Variants in KLF7 observed in about 807,000 individuals in gnomAD.
KLF7 encodes the protein Krueppel-like factor 7.
In KLF7, 2 loss-of-function variants were observed where a neutral mutation model predicts 27.3. The ratio of observed to expected loss-of-function variants is 0.07; its 90% CI spans 0.03 to 0.23. The LOEUF (loss-of-function observed/expected upper bound fraction) is 0.23, where lower values mean the gene tolerates loss of function less well. Ranked by LOEUF, KLF7 falls within the 10% of genes least tolerant of loss-of-function variation. KLF7 has a pLI of 1.00. For missense variants in KLF7, 221 were observed against 394.1 expected, an observed-to-expected ratio of 0.56 and a Z score of 3.72; for synonymous variants, 165 against 162.4, an observed-to-expected ratio of 1.02 and a Z score of -0.12.
At chr2:207,111,478 T>C (rs9646757) in intron 2 of KLF7, among the ~76,000 whole-genome samples, 36,583 of 152,164 alleles carry the variant, frequency 0.24, 5,095 homozygotes, top group Middle Eastern at 0.32. Context: ...CAAAAGCATA[T>C]TGTGGCTTAG....
intron 3 of KLF7, among the ~76,000 whole-genome samples, chr2:207,086,695 T>C (rs993107319): frequency 6.6e-6 from 1 of 152,240 alleles, no homozygotes; most frequent in African/African-American, 2.4e-5. Flanking sequence ...TGCTGGAAGG[T>C]TGTAAATCAA....
intron 1 of KLF7, among the ~76,000 whole-genome samples, chr2:207,157,227 A>G (rs2106126910): frequency 6.6e-6 from 1 of 151,476 alleles, no homozygotes; most frequent in South Asian, 2.1e-4. Context: ...AGTAAAAAAA[A>G]AAAAAAAAAA....
chr2:207,128,878 C>G (rs2106006809), intron 1 of KLF7, among the ~76,000 whole-genome samples: 1 of 152,202 alleles, frequency 6.6e-6, no homozygotes, highest in Admixed American at 6.5e-5. Flanking sequence ...GGAGATATGG[C>G]AACTAAATGC....
intron 1 of KLF7, among the ~76,000 whole-genome samples, chr2:207,160,065 T>C (rs1333235066): frequency 6.6e-6 from 1 of 152,204 alleles, no homozygotes; most frequent in East Asian, 1.9e-4. Flanking sequence ...TATTCTACAA[T>C]GAGTATACAG....
At chr2:207,107,878 C>T (rs1223847030) in intron 2 of KLF7, among the ~76,000 whole-genome samples, 1 of 152,236 alleles carries the variant, frequency 6.6e-6, no homozygotes, top group Non-Finnish European at 1.5e-5. Context: ...GTCTAAATCA[C>T]CCAACTAAAA....
chr2:207,105,519 G>A (rs1174635722), intron 2 of KLF7, among the ~76,000 whole-genome samples: 1 of 152,216 alleles, frequency 6.6e-6, no homozygotes, highest in Non-Finnish European at 1.5e-5. Context: ...TTCTCCTGCA[G>A]CATCATGCTG....
intron 1 of KLF7, among the ~76,000 whole-genome samples, chr2:207,159,903 T>C (rs536044891): frequency 1.3e-5 from 2 of 151,624 alleles, no homozygotes; most frequent in East Asian, 1.9e-4. Flanking sequence ...TAAAGGGATG[T>C]AGGGTGGTAG....
intron 1 of KLF7, among the ~76,000 whole-genome samples, chr2:207,159,143 C>T (rs1193683343): frequency 2.0e-5 from 3 of 152,236 alleles, no homozygotes; most frequent in Admixed American, 2.0e-4. Context: ...AATACACCCA[C>T]ATTCAAAAAT....
chr2:207,166,272 T>G, upstream of KLF7: 1 of 791,836 alleles, frequency 1.3e-6, no homozygotes, highest in Non-Finnish European at 1.5e-6. Context: ...GGCTTGGCCC[T>G]GGCGGCGGGC....
At chr2:207,167,248 A>G (rs1047217349), upstream of KLF7, 25 of 1,023,264 alleles carry the variant, frequency 2.4e-5, no homozygotes, top group Admixed American at 4.0e-5. Context: ...GTTACATCTG[A>G]GATGAAAACC....
chr2:207,129,030 A>G (rs1574516719), intron 1 of KLF7, among the ~76,000 whole-genome samples: 2 of 152,228 alleles, frequency 1.3e-5, no homozygotes, highest in African/African-American at 4.8e-5. Context: ...TGGTTGCGTA[A>G]CATTAGGGGA....
chr2:207,147,217 G>A (rs577015416), intron 1 of KLF7, among the ~76,000 whole-genome samples: 89 of 152,204 alleles, frequency 5.8e-4, no homozygotes, highest in African/African-American at 2.1e-3. Context: ...TAAGATGCCT[G>A]CTGTTTTTTC....
At chr2:207,135,585 GAAT>G (rs369961611) in intron 1 of KLF7, among the ~76,000 whole-genome samples, 6 of 152,172 alleles carry the variant, frequency 3.9e-5, no homozygotes, top group African/African-American at 1.4e-4. Context: ...ATGAATGAAT[GAAT>G]GAGTAATTGA....
At chr2:207,164,794 G>A (rs1322813033) in intron 1 of KLF7, among the ~76,000 whole-genome samples, 1 of 152,190 alleles carries the variant, frequency 6.6e-6, no homozygotes, top group Non-Finnish European at 1.5e-5. Context: ...GACACGCATA[G>A]AGGGTGTTCT....
chr2:207,087,109 T>A (rs1038285918), intron 3 of KLF7, among the ~76,000 whole-genome samples: 1 of 152,200 alleles, frequency 6.6e-6, no homozygotes, highest in Admixed American at 6.5e-5. Flanking sequence ...ACAGGAGGAC[T>A]TCTAGGTAAT....
At chr2:207,168,575 A>T (rs1314543897), upstream of KLF7, among the ~76,000 whole-genome samples, 1 of 152,178 alleles carries the variant, frequency 6.6e-6, no homozygotes, top group African/African-American at 2.4e-5. Context: ...GTTTACAAAA[A>T]TTGCTTGGGT....
intron 2 of KLF7, among the ~76,000 whole-genome samples, chr2:207,093,124 A>G (rs1391085325): frequency 6.6e-6 from 1 of 152,250 alleles, no homozygotes; most frequent in African/African-American, 2.4e-5. Context: ...ATATATTTCC[A>G]TATAAATGGT....
At chr2:207,155,375 G>A (rs2078354887) in intron 1 of KLF7, among the ~76,000 whole-genome samples, 1 of 152,162 alleles carries the variant, frequency 6.6e-6, no homozygotes, top group East Asian at 1.9e-4. Flanking sequence ...TTGCTTTGCA[G>A]CCACAGTAAG....
chr2:207,095,046 T>TA (rs2076595510), intron 2 of KLF7, among the ~76,000 whole-genome samples: 1 of 139,026 alleles, frequency 7.2e-6, no homozygotes, highest in African/African-American at 2.7e-5. Flanking sequence ...TTTTTTTTTT[T>TA]TTTTTTTTTT....
Sources: gnomAD v4.1 joint callset for allele counts (sites outside exome capture counted in the v4.1 genomes callset) on GRCh38, gnomAD v4.1.1 for gene constraint, MANE v1.5 for transcripts, NCBI Gene and HGNC (gene_info 2026-07-23, HGNC 2026-07-21) for gene names.